The following NR2E3 variants were observed in gnomAD, a reference collection of about 807,000 sequenced individuals.
NR2E3 encodes the protein photoreceptor-specific nuclear receptor.
A neutral mutation model predicts 37.6 loss-of-function variants in NR2E3; 38 were observed. That is an observed-to-expected ratio of 1.01 (90% CI 0.78 to 1.33). The LOEUF (loss-of-function observed/expected upper bound fraction) is 1.33. Among genes scored for constraint, NR2E3 ranks in the 40% most tolerant of loss-of-function variants. The probability of loss-of-function intolerance (pLI) is 0.00; values close to 1 mark genes in which losing one functional copy is unlikely to be tolerated. For missense variants in NR2E3, 562 were observed against 558.7 expected (o/e 1.01, Z -0.06); for synonymous variants, 235 against 225.1 (o/e 1.04, Z -0.39).
Position 71,811,378 on chromosome 15 carries a change from A to G in NR2E3, c.119-105A>G. 9.4e-7 allele frequency: 1 copy of G among 1,064,538 alleles called. No homozygotes were observed. Among genetic ancestry groups the G allele is most frequent in the Non-Finnish European group, 1.4e-6 (1 of 736,378 alleles). 65.9% of individuals were successfully genotyped at this position (1,064,538 alleles called of 1,614,324 possible). A position where few individuals can be genotyped will look rare whatever the true frequency, so the allele number is the denominator to read the frequency against. On this transcript the variant is annotated intron_variant, in intron 1 of 7. Transcript: ENST00000617575. The surrounding 1 kb of genome is among the most constrained non-coding windows in gnomAD (Gnocchi z 5.6). ...GCGTGGGTTCGTTCAAATGCGGGTG[A>G]GCGGGGCCTGAGGACTGGGAAAGGG...
Position 71,811,086 on chromosome 15 carries a change from C to T in NR2E3, c.118+225C>T, listed in dbSNP as rs1169913429. Among the ~76,000 whole-genome samples, 1 of 152,094 alleles carries T rather than the reference C, an allele frequency of 6.6e-6. No individual in the cohort carries two copies. The highest frequency in any genetic ancestry group is 2.4e-5 in the African/African-American group (1 of 41,496). ...GGCTGCAGAGCCAGGACAGGACAGC[C>T]TAGCCGATGGGGAAGGAAAGAACAG... is the stretch of plus-strand genomic sequence containing the variant. On this transcript the variant is annotated intron_variant, in intron 1 of 7. Transcript: ENST00000617575. The surrounding 1 kb of genome is among the most constrained non-coding windows in gnomAD (Gnocchi z 5.6).
rs1454983211 is a variant in NR2E3 at position 71,811,187 on chromosome 15, C to A, written c.119-296C>A. On this transcript the variant is annotated intron_variant, in intron 1 of 7. Transcript: ENST00000617575. The surrounding 1 kb of genome is among the most constrained non-coding windows in gnomAD (Gnocchi z 5.6). Reference sequence around the variant, plus strand: ...AGAATGTTTCTGTGGGATGATGGAGCCTGAAGCCACCCACAGAGAAGGGAT... The same window carrying A: ...AGAATGTTTCTGTGGGATGATGGAGACTGAAGCCACCCACAGAGAAGGGAT... 6.6e-6 allele frequency among the ~76,000 whole-genome samples: 1 copy of A among 152,006 alleles called. No individual in the cohort carries two copies. The highest frequency in any genetic ancestry group is 1.5e-5 in the Non-Finnish European group (1 of 67,996).
At position 71,810,830 on chromosome 15, in the gene NR2E3, A is replaced by C; in HGVS notation, c.87A>C (p.Pro29=). Residue 29 remains proline (P), a synonymous_variant, in exon 1 of 8, where the codon CCA becomes CCC. Transcript: ENST00000617575. The part of the protein sequence containing the change: ...AAGAASRKES[P]GRWGLGEDPT... The stretch of plus-strand genomic sequence containing the variant: ...GGGCTGCCTCCAGGAAGGAGTCTCC[A>C]GGCAGATGGGGCCTGGGGGAGGATC... 1 of 1,568,674 alleles carries C rather than the reference A, an allele frequency of 6.4e-7. No individual in the cohort carries two copies. Among genetic ancestry groups the C allele is most frequent in the Non-Finnish European group, 8.6e-7 (1 of 1,157,090 alleles).
In NR2E3 at chr15:71,813,370, C is replaced by T; in HGVS notation, c.748-19C>T. ...GAAGCTGTGTGTCTGCCATAACAGGCACCCCTGTCTGAGCACAGGTGATCC... is the reference window on the plus strand; with the variant it reads ...GAAGCTGTGTGTCTGCCATAACAGGTACCCCTGTCTGAGCACAGGTGATCC... On this transcript the variant is annotated intron_variant, in intron 5 of 7. Transcript: ENST00000617575. This position sits in a 1 kb window ranked among gnomAD's most constrained non-coding sequence, Gnocchi z 4.7. The T allele has an allele frequency of 1.2e-6, 2 of 1,607,776 alleles. No individual in the cohort carries two copies. Among genetic ancestry groups the T allele is most frequent in the Admixed American group, 3.4e-5 (2 of 59,244 alleles).
Position 71,811,699 on chromosome 15 carries a change from A to G in NR2E3, c.246-67A>G. 1 of 1,551,018 alleles carries G rather than the reference A, an allele frequency of 6.4e-7. No homozygotes were observed. Among genetic ancestry groups the G allele is most frequent in the African/African-American group, 1.4e-5 (1 of 73,268 alleles). ...CAGGGGAAGAGGGGCTTGGGCAAAA[A>G]TGTCCAAGCCCATGGCTCAGGGCAT... On this transcript the variant is annotated intron_variant, in intron 2 of 7. Transcript: ENST00000617575. The surrounding 1 kb of genome is among the most constrained non-coding windows in gnomAD (Gnocchi z 5.6).
chr15:71,810,586 A>G lies in NR2E3; in HGVS notation c.-158A>G. The G allele has an allele frequency of 9.1e-7, 1 of 1,093,818 alleles. No homozygotes were observed. Among genetic ancestry groups the G allele is most frequent in the Non-Finnish European group, 1.3e-6 (1 of 777,550 alleles). 67.8% of individuals were successfully genotyped at this position (1,093,818 alleles called of 1,614,324 possible). ...TCCTCAAGCCAGAGCCTGTGCTGTGAGGGGCTTCGGGACCTTGGGGCAGCT... is the reference window on the plus strand; with the variant it reads ...TCCTCAAGCCAGAGCCTGTGCTGTGGGGGGCTTCGGGACCTTGGGGCAGCT... On this transcript the variant is annotated 5_prime_UTR_variant, in exon 1 of 8. Transcript: ENST00000617575.
At chr15:71,814,324 A>G (rs1364319570) in intron 7 of NR2E3, 8 of 1,366,692 alleles carry the variant, frequency 5.9e-6, no homozygotes, top group Admixed American at 3.1e-5. Context: ...ACTGCCTTCT[A>G]GAGACAACCG....
intron 7 of NR2E3, chr15:71,814,538 T>G: frequency 2.0e-6 from 2 of 988,252 alleles, no homozygotes; most frequent in Non-Finnish European, 2.4e-6. Flanking sequence ...CATGATATGT[T>G]GTTAGAACAG....
chr15:71,816,746 TTATA>T (rs1384550192), intron 7 of NR2E3, among the ~76,000 whole-genome samples: 2 of 152,050 alleles, frequency 1.3e-5, no homozygotes, highest in African/African-American at 4.8e-5. Flanking sequence ...ATTATAATAC[TTATA>T]TATGAGATTA....
Position 71,811,935 on chromosome 15 carries a change from G to A in NR2E3, c.350-20G>A. On this transcript the variant is annotated intron_variant, in intron 3 of 7. Transcript: ENST00000617575. This position sits in a 1 kb window ranked among gnomAD's most constrained non-coding sequence, Gnocchi z 5.6. ...GGCAGCGGGACTGGCGTGTCGTCCT[G>A]ACCCTTCCTGCCTCCCCAGCCGTGC... The A allele has an allele frequency of 6.5e-7, 1 of 1,549,042 alleles. No individual in the cohort carries two copies.
At chr15:71,814,191 C>G in intron 7 of NR2E3, 74 bp downstream of exon 7, 1 of 1,530,702 alleles carries the variant, frequency 6.5e-7, no homozygotes, top group African/African-American at 1.4e-5. Context: ...CACACTCTCC[C>G]AGAGCTCACT....
chr15:71,811,004 G>C lies in NR2E3; in HGVS notation c.118+143G>C. Reference sequence around the variant, plus strand: ...GTGGGCAAGGGTGGGGTAGCCTGTGGGTAAACCCAGAATCCTAGAAACACG... The same window carrying C: ...GTGGGCAAGGGTGGGGTAGCCTGTGCGTAAACCCAGAATCCTAGAAACACG... On this transcript the variant is annotated intron_variant, in intron 1 of 7. Transcript: ENST00000617575. This position sits in a 1 kb window ranked among gnomAD's most constrained non-coding sequence, Gnocchi z 5.6. 1.1e-6 allele frequency: 1 copy of C among 882,542 alleles called. No individual in the cohort carries two copies. Among genetic ancestry groups the C allele is most frequent in the Middle Eastern group, 3.2e-4 (1 of 3,126 alleles). The allele number at this position is 882,542 out of a possible 1,614,324, so 54.7% of individuals were successfully genotyped here. A position where few individuals can be genotyped will look rare whatever the true frequency, so the allele number is the denominator to read the frequency against.
At chr15:71,817,391 C>A (rs1006844887) in intron 7 of NR2E3, 161 bp from the exon 8 acceptor site, 11 of 916,140 alleles carry the variant, frequency 1.2e-5, no homozygotes, top group Non-Finnish European at 1.7e-5. Flanking sequence ...AGCCACCACG[C>A]CTGGCCTGAA....
chr15:71,814,611 A>G, intron 7 of NR2E3: 1 of 947,456 alleles, frequency 1.1e-6, no homozygotes, highest in African/African-American at 1.8e-5. Context: ...AAGCCAGAAA[A>G]GTACCCTAGG....
In NR2E3 at chr15:71,810,836, A is replaced by G; in HGVS notation, c.93A>G (p.Arg31=). Residue 31 remains arginine (R), a synonymous_variant, in exon 1 of 8, where the codon AGA becomes AGG. Transcript: ENST00000617575. The part of the protein sequence containing the change: ...GAASRKESPG[R]WGLGEDPTGV... Reference sequence around the variant, plus strand: ...CCTCCAGGAAGGAGTCTCCAGGCAGATGGGGCCTGGGGGAGGATCCCACAG... The same window carrying G: ...CCTCCAGGAAGGAGTCTCCAGGCAGGTGGGGCCTGGGGGAGGATCCCACAG... 2 of 1,566,074 alleles carry G rather than the reference A, an allele frequency of 1.3e-6. No homozygotes were observed. The highest frequency in any genetic ancestry group is 8.7e-7 in the Non-Finnish European group (1 of 1,155,580).
chr15:71,811,217 G>A lies in NR2E3; in HGVS notation c.119-266G>A, dbSNP rs1280027768. On this transcript the variant is annotated intron_variant, in intron 1 of 7. Coordinates refer to ENST00000617575, the MANE Select transcript of NR2E3 (RefSeq NM_014249.4). The surrounding 1 kb of genome is among the most constrained non-coding windows in gnomAD (Gnocchi z 5.6). ...AGCCACCCACAGAGAAGGGATGGGA[G>A]CTGGGAAAGTGGAGCTAGGGCTCGG... Among the ~76,000 whole-genome samples, 2 of 152,116 alleles carry A rather than the reference G, an allele frequency of 1.3e-5. No homozygotes were observed. The highest frequency in any genetic ancestry group is 2.9e-5 in the Non-Finnish European group (2 of 68,012).
At chr15:71,810,966 A>T (rs2054173860) in intron 1 of NR2E3, 105 bp downstream of exon 1, 2 of 1,223,232 alleles carry the variant, frequency 1.6e-6, no homozygotes, top group Non-Finnish European at 2.2e-6. Context: ...ACTCAGACCC[A>T]GCCCCGCCGG....
At chr15:71,817,223 C>A (rs2054233864) in intron 7 of NR2E3, among the ~76,000 whole-genome samples, 1 of 151,730 alleles carries the variant, frequency 6.6e-6, no homozygotes, top group South Asian at 2.1e-4. Flanking sequence ...CTCAGCCTCC[C>A]GAGTAGCTGG....
chr15:71,817,978 T>C lies in NR2E3; in HGVS notation c.*294T>C, dbSNP rs557723570. 1 of 214,308 alleles carries C rather than the reference T, an allele frequency of 4.7e-6. No individual in the cohort carries two copies. The highest frequency in any genetic ancestry group is 2.3e-5 in the African/African-American group (1 of 44,444). 13.3% of individuals were successfully genotyped at this position (214,308 alleles called of 1,614,324 possible). ...CAGGTAAACTTCACAGACATAAAAG[T>C]TGAATGAAAGAAGCCAGGCCGAAGT... On this transcript the variant is annotated 3_prime_UTR_variant, in exon 8 of 8. Coordinates refer to ENST00000617575, the MANE Select transcript of NR2E3 (RefSeq NM_014249.4).
Sources: allele counts gnomAD v4.1 joint callset (sites outside exome capture counted in the v4.1 genomes callset), GRCh38; gene constraint gnomAD v4.1.1; non-coding constraint Gnocchi (gnomAD v3.1); transcripts MANE v1.5; gene names NCBI Gene and HGNC (gene_info 2026-07-23, HGNC 2026-07-21).